LUC7L2: variants seen among roughly 807,000 people sequenced by gnomAD.
The protein encoded by LUC7L2 is putative RNA-binding protein Luc7-like 2.
A neutral mutation model predicts 52.8 loss-of-function variants in LUC7L2; 25 were observed. The ratio of observed to expected loss-of-function variants is 0.47; its 90% CI spans 0.34 to 0.66. LUC7L2 has a LOEUF of 0.66. Among genes scored for constraint, LUC7L2 ranks in the 30% least tolerant of loss-of-function variants. The pLI, the probability that LUC7L2 is intolerant of heterozygous loss-of-function variation, is 0.01. For synonymous variants in LUC7L2, 144 were observed against 160.9 expected, an observed-to-expected ratio of 0.89 and a Z score of 0.80; for missense variants, 328 against 497.8, an observed-to-expected ratio of 0.66 and a Z score of 3.25.
In LUC7L2 at chr7:139,392,600, G is replaced by T. The variant is rs1003553039; in HGVS notation, c.157-5999G>T. 8 of 191,780 alleles carry T rather than the reference G, an allele frequency of 4.2e-5. No individual in the cohort carries two copies. The South Asian group carries it at 5.3e-4, about 13-fold the overall frequency. 11.9% of individuals were successfully genotyped at this position (191,780 alleles called of 1,614,324 possible). ...AAATCTACAATCTAAGCATTTAGAT[G>T]TAAAAATATTAAAAACCAAGAATAA... On this transcript the variant is annotated intron_variant, in intron 2 of 9. Transcript: ENST00000354926.
intron 2 of LUC7L2, among the ~76,000 whole-genome samples, chr7:139,393,916 C>G (rs1420387440): frequency 6.6e-6 from 1 of 152,106 alleles, no homozygotes; most frequent in East Asian, 1.9e-4. Flanking sequence ...TGAGGATATT[C>G]CACATACAAA....
intron 9 of LUC7L2, among the ~76,000 whole-genome samples, chr7:139,420,522 CTA>C (rs2116353560): frequency 6.6e-6 from 1 of 152,238 alleles, no homozygotes; most frequent in Non-Finnish European, 1.5e-5. Flanking sequence ...TAATTTATAA[CTA>C]TCTCACCTGT....
chr7:139,347,492 C>A (rs1799307052), intron 1 of LUC7L2, among the ~76,000 whole-genome samples: 1 of 151,860 alleles, frequency 6.6e-6, no homozygotes, highest in Admixed American at 6.6e-5. Flanking sequence ...GAGGCTGAGG[C>A]AGGAGAATCG....
At chr7:139,341,313 G>A in intron 1 of LUC7L2, 1 of 1,543,728 alleles carries the variant, frequency 6.5e-7, no homozygotes. Context: ...ACCATTAGGC[G>A]CCTGGGCCGG....
chr7:139,416,041 AT>A (rs1461921795), intron 8 of LUC7L2: 24 of 1,382 alleles, frequency 0.017, 1 homozygote, highest in Middle Eastern at 0.14. Context: ...GAGGTATAAA[AT>A]ATATATATAT....
At chr7:139,389,288 C>G (rs1794328448) in intron 2 of LUC7L2, among the ~76,000 whole-genome samples, 1 of 152,032 alleles carries the variant, frequency 6.6e-6, no homozygotes, top group Non-Finnish European at 1.5e-5. Flanking sequence ...AGAATAAATT[C>G]TGCATTTTTT....
In LUC7L2 at chr7:139,407,167, T is replaced by G. The variant is rs755516953; in HGVS notation, c.511-7T>G. 8 of 1,604,776 alleles carry G rather than the reference T, an allele frequency of 5.0e-6. No homozygotes were observed. The Admixed American group carries it at 5.1e-5, about 10-fold the overall frequency. ...ATATGGTCATTGTTTTTCTCACTTT[T>G]GTTTAGGAAGTTTATCGGAATTCTA... is the stretch of plus-strand genomic sequence containing the variant. On this transcript the variant is annotated splice_region_variant and splice_polypyrimidine_tract_variant and intron_variant, in intron 5 of 9. Transcript: ENST00000354926.
upstream of LUC7L2, chr7:139,359,663 G>A (rs979079684): frequency 7.5e-6 from 3 of 397,672 alleles, no homozygotes; most frequent in East Asian, 3.6e-5. Flanking sequence ...CCCTACAGCC[G>A]GGAGGGAATG....
upstream of LUC7L2, chr7:139,359,576 C>T (rs1475165907): frequency 2.7e-6 from 1 of 374,580 alleles, no homozygotes. Flanking sequence ...ACTTTCCGCC[C>T]AGGCTAACCT....
rs1795951022 is a variant in LUC7L2, at chr7:139,422,563, AG to A, written c.*224del. ...ACCTGTAATACAGTTCTGAAAGTAC[AG>A]TTTTATATAATAAGATGCTGATCTC... On this transcript the variant is annotated 3_prime_UTR_variant, in exon 10 of 10. Transcript: ENST00000354926. 1.1e-6 allele frequency: 1 copy of A among 887,216 alleles called. No homozygotes were observed. Among genetic ancestry groups the A allele is most frequent in the Admixed American group, 4.0e-5 (1 of 25,128 alleles). 55.0% of individuals were successfully genotyped at this position (887,216 alleles called of 1,614,324 possible). A position where few individuals can be genotyped will look rare whatever the true frequency, so the allele number is the denominator to read the frequency against.
chr7:139,398,167 G>A (rs1300427295), intron 2 of LUC7L2, among the ~76,000 whole-genome samples: 1 of 152,128 alleles, frequency 6.6e-6, no homozygotes, highest in East Asian at 1.9e-4. Flanking sequence ...CCACCAGTCT[G>A]GTTTTTGAGG....
chr7:139,388,183 C>A (rs1430821369), intron 2 of LUC7L2, among the ~76,000 whole-genome samples: 1 of 152,148 alleles, frequency 6.6e-6, no homozygotes, highest in Non-Finnish European at 1.5e-5. Context: ...TTCTCTCTCT[C>A]TTTCCAGTTA....
chr7:139,372,491 TC>T (rs1800503593), intron 1 of LUC7L2, among the ~76,000 whole-genome samples: 1 of 152,292 alleles, frequency 6.6e-6, no homozygotes, highest in African/African-American at 2.4e-5. Flanking sequence ...GTCCTGTCTT[TC>T]CTTCAAATTT....
chr7:139,367,344 T>G (rs1052253556), intron 1 of LUC7L2, among the ~76,000 whole-genome samples: 4 of 152,152 alleles, frequency 2.6e-5, no homozygotes, highest in Non-Finnish European at 5.9e-5. Flanking sequence ...TTCTAAAAAT[T>G]TTAAGTTAAT....
chr7:139,402,596 G>C (rs1293180031), intron 4 of LUC7L2, among the ~76,000 whole-genome samples: 6 of 152,116 alleles, frequency 3.9e-5, no homozygotes, highest in Admixed American at 3.9e-4. Context: ...GTGTAATCTT[G>C]GCTTGCTGCA....
chr7:139,346,813 C>T (rs762344099), intron 1 of LUC7L2, among the ~76,000 whole-genome samples: 3 of 152,110 alleles, frequency 2.0e-5, no homozygotes, highest in South Asian at 2.1e-4. Context: ...TCTTGAACTC[C>T]CTATCTGGGC....
At chr7:139,374,803 T>C in intron 1 of LUC7L2, 2 of 1,106,060 alleles carry the variant, frequency 1.8e-6, no homozygotes, top group South Asian at 3.1e-5. Context: ...TGATAGTGTT[T>C]AGTTGAATTT....
At chr7:139,420,494 C>T (rs1380506337) in intron 9 of LUC7L2, among the ~76,000 whole-genome samples, 1 of 152,100 alleles carries the variant, frequency 6.6e-6, no homozygotes, top group East Asian at 1.9e-4. Context: ...TGAGCCACCA[C>T]GTCCCACCTT....
chr7:139,380,855 T>G (rs1196543860), intron 2 of LUC7L2, among the ~76,000 whole-genome samples: 1 of 152,198 alleles, frequency 6.6e-6, no homozygotes, highest in Non-Finnish European at 1.5e-5. Flanking sequence ...AAAAAATATT[T>G]CCATCTAGTT....
Sources: gnomAD v4.1 joint callset for allele counts (sites outside exome capture counted in the v4.1 genomes callset) on GRCh38, gnomAD v4.1.1 for gene constraint, MANE v1.5 for transcripts, NCBI Gene and HGNC (gene_info 2026-07-23, HGNC 2026-07-21) for gene names.